The following L3MBTL4 variants were observed in gnomAD, a reference collection of about 807,000 sequenced individuals.
The protein encoded by L3MBTL4 is L3MBTL histone methyl-lysine binding protein 4.
L3MBTL4 carries 70 observed loss-of-function variants against 84.5 expected under a neutral mutation model. The observed-to-expected ratio is 0.83, with a 90% CI of 0.68 to 1.01. The LOEUF is 1.01. L3MBTL4 is among the 50% of genes least tolerant of loss of function. The probability of loss-of-function intolerance (pLI) is 0.00; values close to 1 mark genes in which losing one functional copy is unlikely to be tolerated. For synonymous variants in L3MBTL4, 274 were observed against 259.8 expected (o/e 1.05, Z -0.52); for missense variants, 715 against 754.8 (o/e 0.95, Z 0.62).
In L3MBTL4 at chr18:5,998,053, C is replaced by T. The variant is rs111362263; in HGVS notation, c.1445-28491G>A. Among the ~76,000 whole-genome samples the T allele has an allele frequency of 3.4e-3, 514 of 152,282 alleles. 2 individuals carry two copies. The highest frequency in any genetic ancestry group is 0.012 in the African/African-American group (485 of 41,554). ...CTACCTACAACAAACCAAACTAAAA[C>T]CATAGATACAAAACAGCAGCAGCGT... On this transcript the variant is annotated intron_variant, in intron 16 of 18. Transcript: ENST00000317931.
At chr18:6,218,338 T>C (rs149481408) in intron 10 of L3MBTL4, among the ~76,000 whole-genome samples, 31 of 152,298 alleles carry the variant, frequency 2.0e-4, no homozygotes, top group African/African-American at 6.5e-4. Context: ...ATTTATCACA[T>C]TTTGGATCTC....
At chr18:6,286,931 G>C (rs2049620240) in intron 4 of L3MBTL4, among the ~76,000 whole-genome samples, 1 of 152,144 alleles carries the variant, frequency 6.6e-6, no homozygotes, top group African/African-American at 2.4e-5. Flanking sequence ...TTTCATCAGA[G>C]AGCTGAATGA....
rs1168131911 is a variant in L3MBTL4, at chr18:6,071,374, A to T, written c.1444+9507T>A. Among the ~76,000 whole-genome samples, 3 of 148,972 alleles carry T rather than the reference A, an allele frequency of 2.0e-5. No homozygotes were observed. In the Admixed American group the frequency reaches 2.0e-4, roughly 10 times the overall value. On this transcript the variant is annotated intron_variant, in intron 16 of 18. Coordinates refer to ENST00000317931, the MANE Select transcript of L3MBTL4 (RefSeq NM_001330559.2). ...CCACTGCACTTCAGCTGGGAGACAG[A>T]GTGAGACTCTTTCAATTAAAAAAAA...
At chr18:6,223,567 T>G (rs562638955) in intron 10 of L3MBTL4, among the ~76,000 whole-genome samples, 1 of 152,274 alleles carries the variant, frequency 6.6e-6, no homozygotes, top group Admixed American at 6.5e-5. Flanking sequence ...GATATGAGCA[T>G]GTATGTGCAC....
chr18:6,201,241 GC>G (rs2045636081), intron 12 of L3MBTL4, among the ~76,000 whole-genome samples: 1 of 152,166 alleles, frequency 6.6e-6, no homozygotes, highest in African/African-American at 2.4e-5. Context: ...TTCAATATTA[GC>G]AGGAATAATT....
At position 6,072,315 on chromosome 18, in the gene L3MBTL4, C is replaced by T. The variant is rs192191048; in HGVS notation, c.1444+8566G>A. Among the ~76,000 whole-genome samples the T allele has an allele frequency of 2.8e-3, 432 of 152,176 alleles. 3 individuals are homozygous for T. The highest frequency in any genetic ancestry group is 9.5e-3 in the African/African-American group (395 of 41,506). On this transcript the variant is annotated intron_variant, in intron 16 of 18. Transcript: ENST00000317931. ...GATTAACAATTGCTCAGAGTATACT[C>T]TCTGACCACAGTGGAATAAAATTCA...
intron 16 of L3MBTL4, among the ~76,000 whole-genome samples, chr18:6,064,158 C>G (rs544623): frequency 0.53 from 81,176 of 151,798 alleles, 24,258 homozygotes; most frequent in African/African-American, 0.81. Context: ...TTGAAGATTA[C>G]TTGGCTGTAA....
intron 1 of L3MBTL4, among the ~76,000 whole-genome samples, chr18:6,320,040 G>T (rs2051322954): frequency 6.6e-6 from 1 of 151,648 alleles, no homozygotes; most frequent in Non-Finnish European, 1.5e-5. Context: ...AAAAACAAAA[G>T]CCATATGATC....
At chr18:5,958,853 G>A (rs1002411834) in intron 18 of L3MBTL4, among the ~76,000 whole-genome samples, 1 of 151,998 alleles carries the variant, frequency 6.6e-6, no homozygotes, top group Non-Finnish European at 1.5e-5. Flanking sequence ...ACTGGTCAGT[G>A]AGTGCCAAAT....
chr18:6,131,425 G>A (rs938382471), intron 14 of L3MBTL4, among the ~76,000 whole-genome samples: 4 of 152,094 alleles, frequency 2.6e-5, no homozygotes, highest in Non-Finnish European at 4.4e-5. Context: ...TTAAATATAA[G>A]AATATTTGTC....
chr18:6,319,816 A>G (rs949536670), intron 1 of L3MBTL4, among the ~76,000 whole-genome samples: 6 of 152,028 alleles, frequency 3.9e-5, no homozygotes, highest in African/African-American at 1.4e-4. Flanking sequence ...AGGAAAGGGC[A>G]TATCAAAAAA....
intron 15 of L3MBTL4, among the ~76,000 whole-genome samples, chr18:6,090,126 T>C (rs905550980): frequency 6.6e-6 from 1 of 152,206 alleles, no homozygotes; most frequent in Admixed American, 6.5e-5. Context: ...TACTACCCAC[T>C]CTATTAGCAC....
At chr18:6,060,099 T>C (rs1053580816) in intron 16 of L3MBTL4, among the ~76,000 whole-genome samples, 2 of 152,210 alleles carry the variant, frequency 1.3e-5, no homozygotes, top group African/African-American at 4.8e-5. Flanking sequence ...TACAACTCTA[T>C]TGTCATTTAT....
intron 12 of L3MBTL4, among the ~76,000 whole-genome samples, chr18:6,211,655 T>C (rs1264762794): frequency 6.6e-6 from 1 of 151,892 alleles, no homozygotes; most frequent in African/African-American, 2.4e-5. Flanking sequence ...AAATACTTTT[T>C]TTTTTTTTTT....
intron 14 of L3MBTL4, among the ~76,000 whole-genome samples, chr18:6,132,680 T>G (rs2059909101): frequency 1.3e-5 from 2 of 152,218 alleles, no homozygotes; most frequent in Admixed American, 1.3e-4. Flanking sequence ...GTAGATAAAC[T>G]TAAGTCAAAT....
At chr18:6,210,011 A>T (rs1397507120) in intron 12 of L3MBTL4, among the ~76,000 whole-genome samples, 2 of 152,160 alleles carry the variant, frequency 1.3e-5, no homozygotes, top group Non-Finnish European at 2.9e-5. Flanking sequence ...GGGTAGAATG[A>T]GGTGGCTGCT....
chr18:6,038,621 G>C lies in L3MBTL4; in HGVS notation c.1444+42260C>G, dbSNP rs1390803012. ...GTAAAAGACAGCAACATTGATGGGG[G>C]AGAGCGGCACTTCTGTTAAGAAGTA... On this transcript the variant is annotated intron_variant, in intron 16 of 18. Transcript: ENST00000317931. Among the ~76,000 whole-genome samples the C allele has an allele frequency of 1.1e-4, 17 of 152,216 alleles. No homozygotes were observed. The South Asian group carries it at 2.9e-3, about 26-fold the overall frequency.
chr18:6,129,116 C>T (rs2059793161), intron 14 of L3MBTL4, among the ~76,000 whole-genome samples: 2 of 151,988 alleles, frequency 1.3e-5, no homozygotes, highest in Admixed American at 1.3e-4. Flanking sequence ...TTCCCACAGG[C>T]CTCAATTAAA....
intron 14 of L3MBTL4, among the ~76,000 whole-genome samples, chr18:6,097,224 T>C (rs2058668989): frequency 1.3e-5 from 2 of 152,206 alleles, no homozygotes; most frequent in African/African-American, 4.8e-5. Flanking sequence ...TGCCAGACCA[T>C]TGCAGACAAA....
Sources: allele counts gnomAD v4.1 joint callset (sites outside exome capture counted in the v4.1 genomes callset), GRCh38; gene constraint gnomAD v4.1.1; transcripts MANE v1.5; gene names NCBI Gene and HGNC (gene_info 2026-07-23, HGNC 2026-07-21).